SHC4: variants seen among roughly 807,000 people sequenced by gnomAD.
SHC4 encodes the protein SHC adaptor protein 4.
In SHC4, 41 loss-of-function variants were observed where a neutral mutation model predicts 69.4. The observed-to-expected ratio is 0.59, with a 90% CI of 0.46 to 0.77. The LOEUF is 0.77. SHC4 is among the 30% of genes least tolerant of loss of function. The pLI is 0.00. For missense variants in SHC4, 777 were observed against 783.8 expected (o/e 0.99, Z 0.10); for synonymous variants, 318 against 299.3 (o/e 1.06, Z -0.64).
intron 9 of SHC4, among the ~76,000 whole-genome samples, chr15:48,848,172 G>A (rs1389600567): frequency 1.3e-5 from 2 of 152,082 alleles, no homozygotes; most frequent in African/African-American, 4.8e-5. Context: ...TACTTGTCAT[G>A]GCCACTGGGA....
At chr15:48,874,320 T>C (rs984049713) in intron 4 of SHC4, among the ~76,000 whole-genome samples, 1 of 152,144 alleles carries the variant, frequency 6.6e-6, no homozygotes, top group Non-Finnish European at 1.5e-5. Context: ...CCAGAAATCA[T>C]GTGTCCATGG....
intron 2 of SHC4, among the ~76,000 whole-genome samples, chr15:48,916,273 T>TCACACACA (rs71120648): frequency 7.0e-6 from 1 of 142,448 alleles, no homozygotes; most frequent in African/African-American, 2.6e-5. Context: ...TGATGGTTGC[T>TCACACACA]CACACACACA....
intron 1 of SHC4, among the ~76,000 whole-genome samples, chr15:48,928,504 G>A (rs751950278): frequency 1.3e-5 from 2 of 152,144 alleles, no homozygotes; most frequent in African/African-American, 2.4e-5. Flanking sequence ...GGCTGATCAA[G>A]TTTGAGACCC....
intron 2 of SHC4, among the ~76,000 whole-genome samples, chr15:48,911,772 T>C (rs1900513223): frequency 6.6e-6 from 1 of 152,248 alleles, no homozygotes. Flanking sequence ...TTTTTAGCAG[T>C]CCTTGTAGTG....
chr15:48,919,881 T>C (rs1900711556), intron 2 of SHC4, among the ~76,000 whole-genome samples: 1 of 151,918 alleles, frequency 6.6e-6, no homozygotes, highest in African/African-American at 2.4e-5. Flanking sequence ...CCAGATACCA[T>C]ACCAGATATC....
At position 48,842,430 on chromosome 15, in the gene SHC4, G is replaced by C. The variant is rs371589433; in HGVS notation, c.1483+979C>G. On this transcript the variant is annotated intron_variant, in intron 10 of 11. Coordinates refer to ENST00000332408, the MANE Select transcript of SHC4 (RefSeq NM_203349.4). ...AGTACGTAGTAGAAATCAAAAGTTC[G>C]AAGTAAATTTAAAGTATTTGAAAGG... Among the ~76,000 whole-genome samples, 3 of 152,060 alleles carry C rather than the reference G, an allele frequency of 2.0e-5. No homozygotes were observed. In the South Asian group the frequency reaches 6.3e-4, roughly 32 times the overall value.
chr15:48,839,636 T>C (rs1435205740), intron 10 of SHC4, among the ~76,000 whole-genome samples: 1 of 152,178 alleles, frequency 6.6e-6, no homozygotes, highest in East Asian at 1.9e-4. Flanking sequence ...GTTGCATTCC[T>C]CCCTTTTGTG....
intron 8 of SHC4, among the ~76,000 whole-genome samples, chr15:48,855,492 T>C (rs925078677): frequency 1.3e-5 from 2 of 152,198 alleles, no homozygotes; most frequent in African/African-American, 2.4e-5. Context: ...TAGGTTGGGT[T>C]GAGGGAGTCC....
chr15:48,878,867 A>T, intron 4 of SHC4: 2 of 731,826 alleles, frequency 2.7e-6, no homozygotes, highest in South Asian at 1.9e-5. Context: ...TGTTTTTCAG[A>T]ATAGAACACA....
intron 6 of SHC4, among the ~76,000 whole-genome samples, chr15:48,859,429 T>C (rs537431671): frequency 4.6e-5 from 7 of 152,100 alleles, no homozygotes; most frequent in South Asian, 2.1e-4. Flanking sequence ...AAAGTACAAA[T>C]TGGATCCTGA....
rs907818093 is a variant in SHC4 at position 48,940,151 on chromosome 15, G to A, written c.586-15202C>T. Among the ~76,000 whole-genome samples the A allele has an allele frequency of 2.1e-4, 32 of 152,338 alleles. 1 individual carries two copies. The Middle Eastern group carries it at 0.017, about 81-fold the overall frequency. On this transcript the variant is annotated intron_variant, in intron 1 of 11. Transcript: ENST00000332408. The stretch of plus-strand genomic sequence containing the variant: ...CATCAAGTTGGTTATGGTTACTGCT[G>A]TAGCCAAGGCAATGCCCTTGCAGGA...
chr15:48,875,349 T>G (rs771577862), intron 4 of SHC4, among the ~76,000 whole-genome samples: 37 of 152,368 alleles, frequency 2.4e-4, no homozygotes, highest in Non-Finnish European at 4.4e-4. Context: ...TCAGATGTGT[T>G]TGCACTGAGA....
chr15:48,829,383 T>C (rs1007517535), intron 11 of SHC4, among the ~76,000 whole-genome samples: 1 of 152,164 alleles, frequency 6.6e-6, no homozygotes, highest in African/African-American at 2.4e-5. Context: ...TTTAGTTCTG[T>C]CAATGTTTGC....
At chr15:48,836,023 CAAAAAAAAAA>C (rs57343981) in intron 10 of SHC4, among the ~76,000 whole-genome samples, 3 of 60,140 alleles carry the variant, frequency 5.0e-5, no homozygotes, top group Admixed American at 2.2e-4. Context: ...ACAAAAAATC[CAAAAAAAAAA>C]AAAAAAAAAA....
Position 48,962,941 on chromosome 15 carries a change from C to T in SHC4, c.75G>A (p.Leu25=), listed in dbSNP as rs1901571696. The T allele has an allele frequency of 1.2e-6, 2 of 1,613,116 alleles. No individual in the cohort carries two copies. Among genetic ancestry groups the T allele is most frequent in the Non-Finnish European group, 1.7e-6 (2 of 1,180,032 alleles). ...GAAAGCGGCTGTACTTGGCCCTGTG[C>T]AGCATCCCGGGGTGCCCGAAGAGTC... ...YVGLFGHPGM[L]HRAKYSRFRN... is the part of the protein sequence containing the mutation. Residue 25 remains leucine, a synonymous_variant, in exon 1 of 12, where the codon CTG becomes CTA. Coordinates refer to ENST00000332408, the MANE Select transcript of SHC4 (RefSeq NM_203349.4).
intron 2 of SHC4, among the ~76,000 whole-genome samples, chr15:48,912,864 G>C (rs1900533875): frequency 6.6e-6 from 1 of 152,060 alleles, no homozygotes; most frequent in Non-Finnish European, 1.5e-5. Context: ...GTCTCTTCTT[G>C]GTCTAGCCAC....
chr15:48,845,622 A>G (rs1369401051), intron 9 of SHC4, among the ~76,000 whole-genome samples: 2 of 152,232 alleles, frequency 1.3e-5, no homozygotes, highest in Admixed American at 6.5e-5. Context: ...TAGCTGCATT[A>G]GGAGCTTATA....
rs751962014 is a variant in SHC4, at chr15:48,962,725, G to C, written c.291C>G (p.Asn97Lys). ...TTTTCAGACTCAGCAAAGTGGCCGG[G>C]TTGGCCAGCTTCATGCTTGCCATGC... ...IPRMASMKLANPATLLSLKNF... is the reference protein window; with the variant it reads ...IPRMASMKLAKPATLLSLKNF... Residue 97 changes from asparagine to lysine, a missense_variant, in exon 1 of 12, where the codon AAC becomes AAG. Transcript: ENST00000332408. 8.7e-6 allele frequency: 14 copies of C among 1,613,762 alleles called. No individual in the cohort carries two copies. In the African/African-American group the frequency reaches 1.7e-4, roughly 20 times the overall value.
rs772524435 is a variant in SHC4 at position 48,856,066 on chromosome 15, C to T, written c.1129G>A (p.Glu377Lys). Residue 377 changes from glutamate (E) to lysine (K), a missense_variant, in exon 8 of 12, where the codon GAA (glutamate) becomes AAA (lysine). Transcript: ENST00000332408. ...ACTGGTGGCTGCTTCCCTGGAATTT[C>T]ATTGTAATATTCATGATCTTCTCTC... Reference protein sequence around the residue: ...EEREDHEYYNEIPGKQPPVGG... With the variant: ...EEREDHEYYNKIPGKQPPVGG... 1.9e-6 allele frequency: 3 copies of T among 1,613,880 alleles called. No homozygotes were observed. The highest frequency in any genetic ancestry group is 2.5e-6 in the Non-Finnish European group (3 of 1,179,852).
Sources: gnomAD v4.1 joint callset for allele counts (sites outside exome capture counted in the v4.1 genomes callset) on GRCh38, gnomAD v4.1.1 for gene constraint, MANE v1.5 for transcripts, NCBI Gene and HGNC (gene_info 2026-07-23, HGNC 2026-07-21) for gene names.